Variants in SLC37A3 observed in about 807,000 individuals in gnomAD.
SLC37A3 encodes the protein solute carrier family 37 member 3.
A neutral mutation model predicts 67.1 loss-of-function variants in SLC37A3; 51 were observed. The ratio of observed to expected loss-of-function variants is 0.76; its 90% CI spans 0.61 to 0.96. The LOEUF is 0.96. Ranked by LOEUF, SLC37A3 falls within the 40% of genes least tolerant of loss-of-function variation. The probability of loss-of-function intolerance (pLI) is 0.00; values close to 1 mark genes in which losing one functional copy is unlikely to be tolerated. For missense variants in SLC37A3, 508 were observed against 603.0 expected, an observed-to-expected ratio of 0.84 and a Z score of 1.65; for synonymous variants, 214 against 231.4, an observed-to-expected ratio of 0.92 and a Z score of 0.68.
At chr7:140,369,531 C>A in intron 4 of SLC37A3, 59 bp downstream of exon 4, 1 of 1,437,614 alleles carries the variant, frequency 7.0e-7, no homozygotes, top group Non-Finnish European at 9.7e-7. Flanking sequence ...TTGTAAGGCT[C>A]AGGGTCATTT....
intron 5 of SLC37A3, among the ~76,000 whole-genome samples, chr7:140,362,354 C>A (rs965719036): frequency 6.9e-6 from 1 of 145,278 alleles, no homozygotes. Context: ...CTCCGTCCGG[C>A]AGCCACCCCG....
intron 3 of SLC37A3, among the ~76,000 whole-genome samples, chr7:140,377,318 GC>G (rs1413465961): frequency 3.3e-5 from 5 of 151,892 alleles, no homozygotes; most frequent in Non-Finnish European, 7.4e-5. Flanking sequence ...TCCTGCCTAG[GC>G]CTCCCAAAGT....
At chr7:140,386,364 C>T (rs1798450555) in intron 1 of SLC37A3, among the ~76,000 whole-genome samples, 1 of 151,828 alleles carries the variant, frequency 6.6e-6, no homozygotes, top group Non-Finnish European at 1.5e-5. Flanking sequence ...GCCACCTCGC[C>T]CAGGAAAATA....
At chr7:140,364,635 G>T in intron 4 of SLC37A3, 144 bp from the exon 5 acceptor site, 1 of 691,136 alleles carries the variant, frequency 1.4e-6, no homozygotes, top group Non-Finnish European at 2.3e-6. Context: ...GTCTACAGGA[G>T]TTTCACAAAT....
intron 2 of SLC37A3, among the ~76,000 whole-genome samples, chr7:140,381,419 A>G (rs1011996280): frequency 8.6e-5 from 13 of 151,750 alleles, no homozygotes; most frequent in African/African-American, 3.1e-4. Context: ...CAGCTACTCA[A>G]GAGGCTGAGG....
chr7:140,335,869 T>G (rs7784193), intron 14 of SLC37A3, among the ~76,000 whole-genome samples: 85,184 of 152,122 alleles, frequency 0.56, 26,121 homozygotes, highest in African/African-American at 0.81. Flanking sequence ...GATACTTCCC[T>G]CTACTTAGCA....
chr7:140,335,374 T>C lies in SLC37A3; in HGVS notation c.*38A>G, dbSNP rs1197867043. On this transcript the variant is annotated 3_prime_UTR_variant, in exon 15 of 15. Transcript: ENST00000326232. ...AGACTCGAAGCCCCAGCGGTCCTGATGTGGCTGACATTGTTCTTTCTGTCT... is the reference window on the plus strand; with the variant it reads ...AGACTCGAAGCCCCAGCGGTCCTGACGTGGCTGACATTGTTCTTTCTGTCT... 6.2e-7 allele frequency: 1 copy of C among 1,614,166 alleles called. No homozygotes were observed. The highest frequency in any genetic ancestry group is 8.5e-7 in the Non-Finnish European group (1 of 1,180,042).
In SLC37A3 at chr7:140,335,484, A is replaced by T; in HGVS notation, c.1413T>A (p.Phe471Leu). The T allele has an allele frequency of 9.9e-6, 16 of 1,614,032 alleles. No homozygotes were observed. The highest frequency in any genetic ancestry group is 1.4e-5 in the Non-Finnish European group (16 of 1,180,028). Reference protein sequence around the residue: ...FILMTSCTIVFISPLIVREIF... With the variant: ...FILMTSCTIVLISPLIVREIF... ...TTTCCCTCACTATTAATGGCGAGAT[A>T]AACACAATTGTACAACTTGTCTGTA... The change falls in exon 15 of 15, where the codon TTT (phenylalanine) becomes TTA (leucine). Residue 471 changes from phenylalanine (F) to leucine (L), a missense_variant. Transcript: ENST00000326232.
chr7:140,347,344 A>G (rs1313958643), intron 10 of SLC37A3, among the ~76,000 whole-genome samples: 1 of 152,194 alleles, frequency 6.6e-6, no homozygotes, highest in Non-Finnish European at 1.5e-5. Flanking sequence ...ATCTTTAAAA[A>G]GCAGGGATAT....
chr7:140,337,233 CTTAA>C (rs758485682), intron 14 of SLC37A3, 47 bp downstream of exon 14: 11 of 1,441,988 alleles, frequency 7.6e-6, no homozygotes, highest in Middle Eastern at 1.9e-4. Context: ...GTGCTTTGAA[CTTAA>C]TTAACAGAAA....
chr7:140,389,761 T>C (rs910445107), intron 1 of SLC37A3, among the ~76,000 whole-genome samples: 3 of 152,186 alleles, frequency 2.0e-5, no homozygotes, highest in Non-Finnish European at 4.4e-5. Context: ...AACGCTGCTT[T>C]GGGATATAAA....
At chr7:140,337,134 A>G in intron 14 of SLC37A3, 150 bp downstream of exon 14, 1 of 454,434 alleles carries the variant, frequency 2.2e-6, no homozygotes, top group Non-Finnish European at 3.8e-6. Flanking sequence ...AAGAAGAAGA[A>G]GAAGATGTCT....
At chr7:140,397,139 G>A (rs1424337934) in intron 1 of SLC37A3, among the ~76,000 whole-genome samples, 12 of 146,310 alleles carry the variant, frequency 8.2e-5, no homozygotes, top group Non-Finnish European at 1.8e-4. Context: ...GGCGGAGGTT[G>A]CAGTGAGCCG....
chr7:140,386,570 G>A (rs1426663355), intron 1 of SLC37A3, among the ~76,000 whole-genome samples: 5 of 151,940 alleles, frequency 3.3e-5, no homozygotes, highest in African/African-American at 1.2e-4. Flanking sequence ...TGTCAAGTCT[G>A]AGTCCATCAA....
chr7:140,361,713 T>C (rs1797306314), intron 5 of SLC37A3, among the ~76,000 whole-genome samples: 1 of 149,918 alleles, frequency 6.7e-6, no homozygotes, highest in East Asian at 2.0e-4. Context: ...CACGCCTGAC[T>C]GGTTTTCGTT....
At chr7:140,381,707 C>T (rs139233687) in intron 2 of SLC37A3, among the ~76,000 whole-genome samples, 38 of 152,144 alleles carry the variant, frequency 2.5e-4, no homozygotes, top group Non-Finnish European at 5.1e-4. Context: ...CTTTGTTCTC[C>T]AGCTCCTGCT....
rs529926305 is a variant in SLC37A3 at position 140,390,105 on chromosome 7, C to CA, written c.-70-7510dup. On this transcript the variant is annotated intron_variant, in intron 1 of 14. Coordinates refer to ENST00000326232, the MANE Select transcript of SLC37A3 (RefSeq NM_207113.3). ...TCCTGCCTCAAAAAACAAAACAAAA[C>CA]AAAAAAACCCAACTGTCTCGTATTA... Among the ~76,000 whole-genome samples, 395 of 152,058 alleles carry CA rather than the reference C, an allele frequency of 2.6e-3. 1 individual carries two copies. Among genetic ancestry groups the CA allele is most frequent in the African/African-American group, 9.0e-3 (373 of 41,478 alleles).
intron 8 of SLC37A3, 64 bp downstream of exon 8, chr7:140,351,997 GC>G: frequency 6.9e-7 from 1 of 1,458,052 alleles, no homozygotes; most frequent in Non-Finnish European, 9.5e-7. Context: ...CGATTTCTTG[GC>G]CTCAGATTTC....
intron 11 of SLC37A3, 87 bp downstream of exon 11, chr7:140,345,782 C>A (rs1796531194): frequency 9.5e-7 from 1 of 1,053,894 alleles, no homozygotes; most frequent in Non-Finnish European, 1.5e-6. Context: ...AGGCTCTCCC[C>A]AGCACTGGTC....
Sources: gnomAD v4.1 joint callset for allele counts (sites outside exome capture counted in the v4.1 genomes callset) on GRCh38, gnomAD v4.1.1 for gene constraint, MANE v1.5 for transcripts, NCBI Gene and HGNC (gene_info 2026-07-23, HGNC 2026-07-21) for gene names.